The following PFKFB4 variants were observed in gnomAD, a reference collection of about 807,000 sequenced individuals.
PFKFB4 encodes the protein 6-phosphofructo-2-kinase/fructose-2,6-bisphosphatase 4.
A neutral mutation model predicts 62.8 loss-of-function variants in PFKFB4; 42 were observed. The observed-to-expected ratio is 0.67, with a 90% CI of 0.52 to 0.86. PFKFB4 has a LOEUF of 0.86. Ranked by LOEUF, PFKFB4 falls within the 40% of genes least tolerant of loss-of-function variation. The pLI is 0.00. For synonymous variants in PFKFB4, 204 were observed against 240.7 expected (o/e 0.85, Z 1.41); for missense variants, 475 against 627.2 (o/e 0.76, Z 2.59).
intron 4 of PFKFB4, among the ~76,000 whole-genome samples, chr3:48,542,638 A>G (rs1363074942): frequency 1.3e-5 from 2 of 151,978 alleles, no homozygotes; most frequent in Non-Finnish European, 2.9e-5. Context: ...TCCCAAGCGG[A>G]AGGGGCATGA....
chr3:48,524,021 C>T lies in PFKFB4; in HGVS notation c.1093-191G>A, dbSNP rs1022145694. On this transcript the variant is annotated intron_variant, in intron 10 of 13. Transcript: ENST00000232375. ...TGAGGAAAGGGGCCACCTTTCCCACCTCAGGGCTAGGTCCTGGTAGGATTG... is the reference window on the plus strand; with the variant it reads ...TGAGGAAAGGGGCCACCTTTCCCACTTCAGGGCTAGGTCCTGGTAGGATTG... 3.0e-4 allele frequency among the ~76,000 whole-genome samples: 45 copies of T among 152,218 alleles called. 3 individuals are homozygous for T. Among genetic ancestry groups the T allele is most frequent in the African/African-American group, 7.2e-5 (3 of 41,470 alleles).
Position 48,535,641 on chromosome 3 carries a change from G to C in PFKFB4, c.858C>G (p.Ala286=). The change falls in exon 9 of 14, where the codon GCC becomes GCG. Residue 286 remains alanine, a synonymous_variant. Coordinates refer to ENST00000232375, the MANE Select transcript of PFKFB4 (RefSeq NM_004567.4). The part of the protein sequence containing the change: ...PRGREFAKSL[A]QFISDQNIKD... ...TGATATTTTGGTCACTGATGAACTG[G>C]GCTAGACTCTTGGCAAACTGAAATA... is the stretch of plus-strand genomic sequence containing the variant. 1 of 1,614,092 alleles carries C rather than the reference G, an allele frequency of 6.2e-7. No individual in the cohort carries two copies. Among genetic ancestry groups the C allele is most frequent in the Non-Finnish European group, 8.5e-7 (1 of 1,179,996 alleles).
At chr3:48,556,860 G>T, upstream of PFKFB4, 1 of 1,489,156 alleles carries the variant, frequency 6.7e-7, no homozygotes, top group Admixed American at 2.7e-5. The surrounding 1 kb of genome is among the most constrained non-coding windows in gnomAD (Gnocchi z 5.7). Flanking sequence ...CCGCCCCTTG[G>T]GCCCCGCCCC....
upstream of PFKFB4, among the ~76,000 whole-genome samples, chr3:48,560,442 G>A (rs1265652874): frequency 6.6e-6 from 1 of 152,186 alleles, no homozygotes; most frequent in Non-Finnish European, 1.5e-5. Flanking sequence ...CTGACTTCAG[G>A]TTATAGAACC....
At chr3:48,537,293 A>G (rs1331408502) in intron 7 of PFKFB4, among the ~76,000 whole-genome samples, 2 of 152,050 alleles carry the variant, frequency 1.3e-5, no homozygotes, top group Non-Finnish European at 2.9e-5. Flanking sequence ...TTACTGACAA[A>G]TCCAACAGAA....
chr3:48,559,601 C>G, upstream of PFKFB4: 3 of 456,984 alleles, frequency 6.6e-6, no homozygotes, highest in Middle Eastern at 6.5e-4. Flanking sequence ...ATCTCTGGCC[C>G]TCATGGCTTT....
At chr3:48,541,144 G>A (rs1378018681) in intron 4 of PFKFB4, among the ~76,000 whole-genome samples, 3 of 150,506 alleles carry the variant, frequency 2.0e-5, no homozygotes, top group African/African-American at 7.4e-5. Flanking sequence ...GAGTGCAGTG[G>A]CGCGATCTCA....
intron 1 of PFKFB4, among the ~76,000 whole-genome samples, chr3:48,554,855 G>A (rs529375827): frequency 3.3e-5 from 5 of 152,056 alleles, no homozygotes; most frequent in South Asian, 4.2e-4. Context: ...AATTCAAGAC[G>A]AGCCTGGCCA....
intron 8 of PFKFB4, among the ~76,000 whole-genome samples, chr3:48,535,975 T>A (rs781209802): frequency 2.6e-5 from 4 of 152,210 alleles, no homozygotes; most frequent in Non-Finnish European, 5.9e-5. Context: ...AGCTATCTGC[T>A]ACACTGTATG....
At chr3:48,547,115 C>T (rs1560174593) in intron 3 of PFKFB4, among the ~76,000 whole-genome samples, 1 of 152,180 alleles carries the variant, frequency 6.6e-6, no homozygotes, top group South Asian at 2.1e-4. Flanking sequence ...TTGGGGACCC[C>T]CTACACACCA....
chr3:48,562,632 G>T, upstream of PFKFB4: 1 of 709,298 alleles, frequency 1.4e-6, no homozygotes, highest in Non-Finnish European at 2.3e-6. This position sits in a 1 kb window ranked among gnomAD's most constrained non-coding sequence, Gnocchi z 4.3. Flanking sequence ...CATGACAGTG[G>T]CTCCATGTGG....
chr3:48,526,183 G>T (rs1211547028), intron 9 of PFKFB4: 2 of 151,730 alleles, frequency 1.3e-5, no homozygotes, highest in Non-Finnish European at 2.9e-5. Context: ...CATGGTGGAG[G>T]AGGCAGTGGT....
At chr3:48,531,474 CTT>C (rs976953493) in intron 9 of PFKFB4, among the ~76,000 whole-genome samples, 12 of 142,426 alleles carry the variant, frequency 8.4e-5, no homozygotes, top group African/African-American at 2.9e-4. Context: ...GAGTTTTGCT[CTT>C]GTTACCCAGG....
At position 48,539,259 on chromosome 3, in the gene PFKFB4, T is replaced by A; in HGVS notation, c.505A>T (p.Ile169Phe). 1 of 1,613,136 alleles carries A rather than the reference T, an allele frequency of 6.2e-7. No homozygotes were observed. Among genetic ancestry groups the A allele is most frequent in the East Asian group, 2.2e-5 (1 of 44,872 alleles). Residue 169 changes from isoleucine (I) to phenylalanine (F), a missense_variant, in exon 6 of 14, where the codon ATC becomes TTC. Physicochemically the swap from Ile to Phe is conservative, Grantham distance 21. Transcript: ENST00000232375. ...CVDPEVIAAN[I>F]VQVKLGSPDY... ...AGGTCAGATGCACTACTCACCACGA[T>A]GTTGGCAGCTATGACCTCAGGATCC...
intron 13 of PFKFB4, 23 bp from the exon 14 acceptor site, chr3:48,519,829 G>C: frequency 6.2e-7 from 1 of 1,603,896 alleles, no homozygotes; most frequent in Non-Finnish European, 8.5e-7. Flanking sequence ...AACACAGAGC[G>C]TTCACTCCAT....
In PFKFB4 at chr3:48,536,405, C is replaced by A. The variant is rs767015937; in HGVS notation, c.691G>T (p.Ala231Ser). The change falls in exon 8 of 14, where the codon GCT becomes TCT. Residue 231 changes from alanine (A) to serine (S), a missense_variant. Transcript: ENST00000232375. The stretch of plus-strand genomic sequence containing the variant: ...ACGATGCGGCTCTGGATGTGGTCAG[C>A]CACACGGTTCACCACGTAGCTCTGG... ...VGQSYVVNRV[A>S]DHIQSRIVYY... 6.9e-5 allele frequency: 111 copies of A among 1,614,090 alleles called. No individual in the cohort carries two copies. The highest frequency in any genetic ancestry group is 9.2e-5 in the Non-Finnish European group (108 of 1,180,028).
intron 3 of PFKFB4, among the ~76,000 whole-genome samples, chr3:48,545,095 C>T (rs535654555): frequency 5.9e-5 from 9 of 151,888 alleles, no homozygotes; most frequent in African/African-American, 1.7e-4. Flanking sequence ...ATTATCTTCC[C>T]TTTTTCTATG....
rs762473483 is a variant in PFKFB4, at chr3:48,543,654, A to G, written c.312-8T>C. On this transcript the variant is annotated splice_polypyrimidine_tract_variant and splice_region_variant and intron_variant, in intron 3 of 13. Transcript: ENST00000232375. ...GCTGCCAGGGCACACTGCCTTCAGG[A>G]GAGAAAACACAGGGTCAGCCCAGCA... 15 of 1,609,476 alleles carry G rather than the reference A, an allele frequency of 9.3e-6. No individual in the cohort carries two copies. In the African/African-American group the frequency reaches 1.1e-4, roughly 11 times the overall value.
chr3:48,539,332 C>T (rs1407279273), intron 5 of PFKFB4, 22 bp from the exon 6 acceptor site: 20 of 1,611,582 alleles, frequency 1.2e-5, no homozygotes, highest in Non-Finnish European at 1.7e-5. Context: ...CCAGAAGCGC[C>T]GGGGTGGTGG....
Sources: gnomAD v4.1 joint callset for allele counts (sites outside exome capture counted in the v4.1 genomes callset) on GRCh38, gnomAD v4.1.1 for gene constraint, Gnocchi (gnomAD v3.1) non-coding constraint, MANE v1.5 for transcripts, NCBI Gene and HGNC (gene_info 2026-07-23, HGNC 2026-07-21) for gene names.